BNC2: variants seen among roughly 807,000 people sequenced by gnomAD.
BNC2 encodes basonuclin zinc finger protein 2.
In BNC2, 20 loss-of-function variants were observed where a neutral mutation model predicts 76.3. The observed-to-expected ratio is 0.26, with a 90% CI of 0.18 to 0.38. The LOEUF (loss-of-function observed/expected upper bound fraction) is 0.38, where lower values mean the gene tolerates loss of function less well. Among genes scored for constraint, BNC2 ranks in the 10% least tolerant of loss-of-function variants. BNC2 has a pLI of 1.00. For missense variants in BNC2, 1,382 were observed against 1,399.8 expected (o/e 0.99, Z 0.20); for synonymous variants, 582 against 514.8 (o/e 1.13, Z -1.77).
At chr9:16,630,749 C>CTTTCTTTTTTTTT (rs1554691911) in intron 3 of BNC2, among the ~76,000 whole-genome samples, 40 of 140,194 alleles carry the variant, frequency 2.9e-4, no homozygotes, top group Non-Finnish European at 1.2e-4. Flanking sequence ...TGGAGCGTTT[C>CTTTCTTTTTTTTT]TTTTTTTGAA....
chr9:16,755,851 C>T (rs990436021), intron 1 of BNC2, among the ~76,000 whole-genome samples: 17 of 152,164 alleles, frequency 1.1e-4, no homozygotes, highest in Non-Finnish European at 2.2e-4. Context: ...CCATTTTATC[C>T]TTCTCCGCTT....
At chr9:16,681,890 C>T (rs1211667746) in intron 3 of BNC2, among the ~76,000 whole-genome samples, 4 of 152,052 alleles carry the variant, frequency 2.6e-5, no homozygotes, top group Non-Finnish European at 5.9e-5. Context: ...TAGACAGTAA[C>T]GTTTTGAACA....
chr9:16,870,524 C>T (rs968788404), intron 1 of BNC2, 122 bp downstream of exon 1: 2 of 1,125,108 alleles, frequency 1.8e-6, no homozygotes, highest in East Asian at 2.8e-5. Flanking sequence ...GCGCCCCTTG[C>T]CCCTCACGCC....
intron 3 of BNC2, among the ~76,000 whole-genome samples, chr9:16,642,704 G>T (rs1006628463): frequency 6.6e-6 from 1 of 152,172 alleles, no homozygotes; most frequent in African/African-American, 2.4e-5. Flanking sequence ...GTGCCTTGGG[G>T]CCACATTTTT....
chr9:16,566,031 C>G (rs1052839772), intron 4 of BNC2, among the ~76,000 whole-genome samples: 2 of 152,134 alleles, frequency 1.3e-5, no homozygotes, highest in African/African-American at 2.4e-5. Flanking sequence ...ACTTTCAACG[C>G]TGTTCAAGTG....
chr9:16,660,390 G>T (rs1268741225), intron 3 of BNC2, among the ~76,000 whole-genome samples: 1 of 151,310 alleles, frequency 6.6e-6, no homozygotes, highest in Non-Finnish European at 1.5e-5. Context: ...GGAGGCAGAA[G>T]TTGCAGTGAG....
chr9:16,470,737 T>A (rs117329371), intron 5 of BNC2, among the ~76,000 whole-genome samples: 2,019 of 152,254 alleles, frequency 0.013, 20 homozygotes, highest in Non-Finnish European at 0.022. Context: ...AGAATCGAAG[T>A]TTCGGAACCT....
intron 1 of BNC2, among the ~76,000 whole-genome samples, chr9:16,773,968 TTTTTG>T (rs370341139): frequency 1.1e-3 from 165 of 152,156 alleles, no homozygotes; most frequent in East Asian, 1.9e-3. Context: ...ACAGTATGTT[TTTTTG>T]TTTTGTTTTG....
chr9:16,858,236 A>C (rs1347393773), intron 1 of BNC2, among the ~76,000 whole-genome samples: 1 of 152,220 alleles, frequency 6.6e-6, no homozygotes, highest in African/African-American at 2.4e-5. Flanking sequence ...CTGGGTACTT[A>C]ATTCCACCCT....
intron 3 of BNC2, among the ~76,000 whole-genome samples, chr9:16,659,396 T>TTGG: frequency 6.6e-6 from 1 of 151,548 alleles, no homozygotes; most frequent in African/African-American, 2.4e-5. Context: ...GATCAGGAGG[T>TTGG]CAGGAGATTG....
chr9:16,418,723 G>A lies in BNC2; in HGVS notation c.*266C>T. 1 of 458,114 alleles carries A rather than the reference G, an allele frequency of 2.2e-6. No individual in the cohort carries two copies. The highest frequency in any genetic ancestry group is 4.7e-5 in the East Asian group (1 of 21,288). The allele number at this position is 458,114 out of a possible 1,614,324, so 28.4% of individuals were successfully genotyped here. A position where few individuals can be genotyped will look rare whatever the true frequency, so the allele number is the denominator to read the frequency against. On this transcript the variant is annotated 3_prime_UTR_variant, in exon 7 of 7. Coordinates refer to ENST00000380672, the MANE Select transcript of BNC2 (RefSeq NM_017637.6). ...ATGTGTGTGTGTGTGTGTTTAAAGG[G>A]GTACTCTGTTTTCACCCTGAAATCA...
intron 1 of BNC2, among the ~76,000 whole-genome samples, chr9:16,742,198 C>T (rs1024593893): frequency 6.6e-5 from 10 of 152,174 alleles, no homozygotes; most frequent in Non-Finnish European, 1.5e-5. Flanking sequence ...CTAGGAAATT[C>T]CCCAAAGCCA....
At chr9:16,626,329 G>C (rs1485030256) in intron 3 of BNC2, 1 of 152,116 alleles carries the variant, frequency 6.6e-6, no homozygotes, top group Non-Finnish European at 1.5e-5. Flanking sequence ...TAAAATGCGA[G>C]TTTTTCATTA....
At chr9:16,563,824 T>C (rs1819086303) in intron 4 of BNC2, among the ~76,000 whole-genome samples, 1 of 152,292 alleles carries the variant, frequency 6.6e-6, no homozygotes, top group East Asian at 1.9e-4. Context: ...AAATTTATAG[T>C]CCCAACTATT....
chr9:16,669,735 C>G (rs1453904576), intron 3 of BNC2, among the ~76,000 whole-genome samples: 1 of 152,172 alleles, frequency 6.6e-6, no homozygotes, highest in Non-Finnish European at 1.5e-5. Context: ...AATTATCATT[C>G]CTATAAGCAG....
chr9:16,821,690 G>GT, intron 1 of BNC2, among the ~76,000 whole-genome samples: 1 of 152,252 alleles, frequency 6.6e-6, no homozygotes, highest in South Asian at 2.1e-4. Context: ...GCTCATGCCT[G>GT]TAATCCCAGC....
At chr9:16,596,608 C>T (rs537945612) in intron 3 of BNC2, among the ~76,000 whole-genome samples, 1 of 152,140 alleles carries the variant, frequency 6.6e-6, no homozygotes, top group South Asian at 2.1e-4. Context: ...GCAGAAGAAA[C>T]TACAAAAGGT....
chr9:16,437,651 G>T, intron 5 of BNC2, 127 bp from the exon 6 acceptor site: 2 of 1,117,130 alleles, frequency 1.8e-6, no homozygotes, highest in Non-Finnish European at 2.5e-6. Context: ...AAAACAACAT[G>T]CAAGCACTGT....
At chr9:16,664,131 G>A (rs1243926412) in intron 3 of BNC2, among the ~76,000 whole-genome samples, 1 of 151,936 alleles carries the variant, frequency 6.6e-6, no homozygotes, top group Non-Finnish European at 1.5e-5. Context: ...GAAATACCAC[G>A]ACAAAAAAAT....
Sources: allele counts gnomAD v4.1 joint callset (sites outside exome capture counted in the v4.1 genomes callset), GRCh38; gene constraint gnomAD v4.1.1; transcripts MANE v1.5; gene names NCBI Gene and HGNC (gene_info 2026-07-23, HGNC 2026-07-21).